The following ZNF705G variants were observed in gnomAD, a reference collection of about 807,000 sequenced individuals.
ZNF705G encodes the protein putative zinc finger protein 705G.
ZNF705G carries 23 observed loss-of-function variants against 19.6 expected under a neutral mutation model. The ratio of observed to expected loss-of-function variants is 1.17; its 90% CI spans 0.84 to 1.66. The LOEUF (loss-of-function observed/expected upper bound fraction) is 1.66, where lower values mean the gene tolerates loss of function less well. Among genes scored for constraint, ZNF705G ranks in the 40% most tolerant of loss-of-function variants. The pLI is 0.00. For synonymous variants in ZNF705G, 146 were observed against 117.7 expected (o/e 1.24, Z -1.56); for missense variants, 457 against 354.4 (o/e 1.29, Z -2.32).
Position 7,360,607 on chromosome 8 carries a change from T to C in ZNF705G, c.140-275A>G, listed in dbSNP as rs572661895. On this transcript the variant is annotated intron_variant, in intron 4 of 6. Transcript: ENST00000400156. ...CTAAGTTCCAAGACGCAATGCATAA[T>C]ACACAATCTTTTCAGAAAGAGAGTA... 1.7e-4 allele frequency among the ~76,000 whole-genome samples: 25 copies of C among 149,596 alleles called. 2 individuals carry two copies. The South Asian group carries it at 5.2e-3, about 31-fold the overall frequency.
chr8:7,381,863 C>T (rs1456417490), intron 1 of ZNF705G, among the ~76,000 whole-genome samples: 7 of 150,636 alleles, frequency 4.6e-5, no homozygotes, highest in East Asian at 1.9e-4. Flanking sequence ...AACAAATCTG[C>T]GCATGTACCT....
chr8:7,358,377 T>C lies in ZNF705G; in HGVS notation c.502A>G (p.Lys168Glu), dbSNP rs774280660. ...STEPHKQIHT[K>E]GKSYQCNLCE... ...AGATTACACTGATATGATTTACCTTTAGTATGAATTTGTTTATGTGGTTCA... is the reference window on the plus strand; with the variant it reads ...AGATTACACTGATATGATTTACCTTCAGTATGAATTTGTTTATGTGGTTCA... Residue 168 changes from lysine (K) to glutamate (E), a missense_variant, in exon 7 of 7, where the codon AAA becomes GAA. Physicochemically the swap from Lys to Glu is moderately conservative, Grantham distance 56. Coordinates refer to ENST00000400156, the MANE Select transcript of ZNF705G (RefSeq NM_001164457.3). 3.1e-6 allele frequency: 5 copies of C among 1,607,532 alleles called. No homozygotes were observed. The highest frequency in any genetic ancestry group is 2.8e-5 in the African/African-American group (2 of 71,198).
In ZNF705G at chr8:7,381,689, G is replaced by A. The variant is rs182323118; in HGVS notation, c.-221-88C>T. 8.1e-5 allele frequency: 12 copies of A among 148,692 alleles called. 1 individual carries two copies. The highest frequency in any genetic ancestry group is 3.2e-4 in the African/African-American group (12 of 37,804). The allele number at this position is 148,692 out of a possible 1,614,324, so 9.2% of individuals were successfully genotyped here. A position where few individuals can be genotyped will look rare whatever the true frequency, so the allele number is the denominator to read the frequency against. ...ATTCTCACTTATAAATAAGAGCTAA[G>A]CATTGAGCAGACATGGACATAAATA... On this transcript the variant is annotated intron_variant, in intron 1 of 6. Coordinates refer to ENST00000400156, the MANE Select transcript of ZNF705G (RefSeq NM_001164457.3).
chr8:7,366,596 A>G (rs1221914036), intron 2 of ZNF705G, among the ~76,000 whole-genome samples: 2 of 149,732 alleles, frequency 1.3e-5, no homozygotes, highest in Non-Finnish European at 2.9e-5. Context: ...ACCTGAGTAT[A>G]GTACGTAAAA....
chr8:7,374,272 T>C lies in ZNF705G; in HGVS notation c.-72+7180A>G, dbSNP rs1807182440. 5.1e-5 allele frequency among the ~76,000 whole-genome samples: 3 copies of C among 59,360 alleles called. 1 individual carries two copies. The South Asian group carries it at 1.9e-3, about 37-fold the overall frequency. 38.9% of individuals were successfully genotyped at this position (59,360 alleles called of 152,430 possible). The stretch of plus-strand genomic sequence containing the variant: ...TACTGAATTCCTATCTCACTAGTAC[T>C]TGTTAAATAGTCATCCTGGCTAAAT... On this transcript the variant is annotated intron_variant, in intron 2 of 6. Coordinates refer to ENST00000400156, the MANE Select transcript of ZNF705G (RefSeq NM_001164457.3).
Position 7,359,647 on chromosome 8 carries a change from C to G in ZNF705G, c.290G>C (p.Arg97Thr), listed in dbSNP as rs1482764284. ...TGTCATACTGGTGGATGCGTCTTTT[C>G]TGGTGATAGGATGCATGGATATCAT... ...THMISMHPIT[R>T]KDASTSMTME... The change falls in exon 6 of 7, where the codon AGA (arginine) becomes ACA (threonine). Residue 97 changes from arginine (R) to threonine (T), a missense_variant. Physicochemically the swap from Arg to Thr is moderately conservative, Grantham distance 71. Coordinates refer to ENST00000400156, the MANE Select transcript of ZNF705G (RefSeq NM_001164457.3). 6.2e-6 allele frequency: 10 copies of G among 1,606,776 alleles called. No individual in the cohort carries two copies. The highest frequency in any genetic ancestry group is 1.1e-5 in the South Asian group (1 of 90,666).
Position 7,363,308 on chromosome 8 carries a change from A to G in ZNF705G, c.-71-291T>C, listed in dbSNP as rs546466392. ...GTCCAGATATTCAATTCCCTCACTG[A>G]TTTTAAAACACAGGGATCCCTGACT... On this transcript the variant is annotated intron_variant, in intron 2 of 6. Transcript: ENST00000400156. 3.7e-4 allele frequency among the ~76,000 whole-genome samples: 55 copies of G among 148,202 alleles called. 2 individuals carry two copies. Among genetic ancestry groups the G allele is most frequent in the African/African-American group, 1.3e-3 (50 of 37,710 alleles).
intron 4 of ZNF705G, among the ~76,000 whole-genome samples, chr8:7,360,545 T>G (rs1449248559): frequency 6.7e-6 from 1 of 149,184 alleles, no homozygotes; most frequent in Non-Finnish European, 1.5e-5. Flanking sequence ...AAAAGGAAAT[T>G]CAAAACAGTC....
chr8:7,382,024 TG>T (rs1173295603), intron 1 of ZNF705G, among the ~76,000 whole-genome samples: 1 of 152,200 alleles, frequency 6.6e-6, no homozygotes, highest in Admixed American at 6.5e-5. Context: ...TCTACATGTA[TG>T]TGGCTAAGCA....
At chr8:7,365,837 T>C (rs1806831719) in intron 2 of ZNF705G, among the ~76,000 whole-genome samples, 2 of 149,758 alleles carry the variant, frequency 1.3e-5, no homozygotes, top group East Asian at 1.9e-4. Context: ...TATTAGGTCT[T>C]AAGTTCCTGG....
chr8:7,359,174 A>C (rs1212169968), intron 6 of ZNF705G, among the ~76,000 whole-genome samples: 1 of 149,528 alleles, frequency 6.7e-6, no homozygotes, highest in African/African-American at 2.6e-5. Context: ...GAGCCTTCAA[A>C]ATCATCTTTG....
chr8:7,358,275 A>T lies in ZNF705G; in HGVS notation c.604T>A (p.Cys202Ser), dbSNP rs780865071. 1 of 1,607,746 alleles carries T rather than the reference A, an allele frequency of 6.2e-7. No homozygotes were observed. Among genetic ancestry groups the T allele is most frequent in the South Asian group, 1.1e-5 (1 of 90,724 alleles). ...MTHTGERPYA[C>S]HLCRKAFTQC... ...GTGAAGGCTTTTCTACATAGATGAC[A>T]TGCATATGGCCTCTCTCCAGTGTGA... The change falls in exon 7 of 7, where the codon TGT becomes AGT. Residue 202 changes from cysteine to serine, a missense_variant. By Grantham distance (112) the Cys-to-Ser change is moderately radical (BLOSUM62 -1). Transcript: ENST00000400156.
intron 6 of ZNF705G, among the ~76,000 whole-genome samples, 182 bp downstream of exon 6, chr8:7,359,437 T>C (rs1806464064): frequency 6.7e-6 from 1 of 149,660 alleles, no homozygotes; most frequent in Admixed American, 6.6e-5. Flanking sequence ...AGAGATCTCA[T>C]GTTATGGTTT....
intron 1 of ZNF705G, among the ~76,000 whole-genome samples, chr8:7,383,047 C>A (rs1192040029): frequency 6.7e-6 from 1 of 148,524 alleles, no homozygotes; most frequent in Non-Finnish European, 1.5e-5. Flanking sequence ...GGAAAACCAC[C>A]CATTTTAGAA....
In ZNF705G at chr8:7,362,716, C is replaced by T. The variant is rs183386315; in HGVS notation, c.12+219G>A. On this transcript the variant is annotated intron_variant, in intron 3 of 6. Transcript: ENST00000400156. ...TGATAATTTCGGAGTCTTTGACACA[C>T]GATACCCAACCTAGAGTCCTGAGAA... is the stretch of plus-strand genomic sequence containing the variant. 6.1e-3 allele frequency among the ~76,000 whole-genome samples: 912 copies of T among 149,374 alleles called. 10 individuals are homozygous for T. Among genetic ancestry groups the T allele is most frequent in the Non-Finnish European group, 8.5e-3 (579 of 67,924 alleles).
rs555559342 is a variant in ZNF705G, at chr8:7,367,855, C to T, written c.-71-4838G>A. On this transcript the variant is annotated intron_variant, in intron 2 of 6. Transcript: ENST00000400156. ...TTGCTTATGGACCCATGCAGCTATG[C>T]TGCCAGTAACTGGAATCTCTTCTAC... is the stretch of plus-strand genomic sequence containing the variant. Among the ~76,000 whole-genome samples, 248 of 149,966 alleles carry T rather than the reference C, an allele frequency of 1.7e-3. 33 individuals carry two copies. Among genetic ancestry groups the T allele is most frequent in the African/African-American group, 6.2e-3 (243 of 39,334 alleles).
At position 7,357,758 on chromosome 8, in the gene ZNF705G, G is replaced by A. The variant is rs553750673; in HGVS notation, c.*218C>T. ...CTTCAAAATGTGAGTCCTTTGGCAT[G>A]TTTAGATGCTACAACTACAGCTGAA... On this transcript the variant is annotated 3_prime_UTR_variant, in exon 7 of 7. Coordinates refer to ENST00000400156, the MANE Select transcript of ZNF705G (RefSeq NM_001164457.3). 11 of 813,856 alleles carry A rather than the reference G, an allele frequency of 1.4e-5. 1 individual carries two copies. The South Asian group carries it at 2.1e-4, about 16-fold the overall frequency. 50.4% of individuals were successfully genotyped at this position (813,856 alleles called of 1,614,324 possible).
At chr8:7,358,598 C>A (rs756101322) in intron 6 of ZNF705G, 38 bp from the exon 7 acceptor site, 2 of 1,605,188 alleles carry the variant, frequency 1.2e-6, no homozygotes, top group Non-Finnish European at 1.7e-6. Context: ...ATGGTTTACC[C>A]ACATATATCT....
intron 2 of ZNF705G, among the ~76,000 whole-genome samples, chr8:7,364,934 C>G (rs1806789306): frequency 6.7e-6 from 1 of 149,466 alleles, no homozygotes; most frequent in African/African-American, 2.6e-5. Flanking sequence ...CCAGCTGTAA[C>G]CCTTAATATT....
Sources: allele counts gnomAD v4.1 joint callset (sites outside exome capture counted in the v4.1 genomes callset), GRCh38; gene constraint gnomAD v4.1.1; transcripts MANE v1.5; gene names NCBI Gene and HGNC (gene_info 2026-07-23, HGNC 2026-07-21).